CDK17: variants seen among roughly 807,000 people sequenced by gnomAD.
CDK17 encodes cyclin-dependent kinase 17.
A neutral mutation model predicts 77.6 loss-of-function variants in CDK17; 24 were observed. The ratio of observed to expected loss-of-function variants is 0.31; its 90% CI spans 0.22 to 0.44. CDK17 has a LOEUF of 0.44. CDK17 is among the 20% of genes least tolerant of loss of function. The pLI is 1.00. For missense variants in CDK17, 429 were observed against 622.5 expected (o/e 0.69, Z 3.31); for synonymous variants, 203 against 210.4 (o/e 0.96, Z 0.30).
At chr12:96,350,689 C>T (rs906531564) in intron 1 of CDK17, among the ~76,000 whole-genome samples, 1 of 152,016 alleles carries the variant, frequency 6.6e-6, no homozygotes. Context: ...TGAAACTGGA[C>T]CATTACCTTA....
chr12:96,280,920 T>A (rs762430232), intron 15 of CDK17, 35 bp from the exon 16 acceptor site: 2 of 1,544,466 alleles, frequency 1.3e-6, no homozygotes, highest in East Asian at 4.5e-5. Context: ...TAGGTGAAGG[T>A]CTAACATTAA....
chr12:96,340,076 A>G (rs1438884715), intron 1 of CDK17, among the ~76,000 whole-genome samples: 1 of 152,036 alleles, frequency 6.6e-6, no homozygotes, highest in Non-Finnish European at 1.5e-5. Context: ...TGCACATTAC[A>G]TTTCTACTGG....
At chr12:96,387,982 A>G (rs1565847497) in intron 1 of CDK17, among the ~76,000 whole-genome samples, 1 of 151,940 alleles carries the variant, frequency 6.6e-6, no homozygotes, top group Non-Finnish European at 1.5e-5. Context: ...AAAAAGAAAA[A>G]CAATCAGCCA....
At chr12:96,297,863 T>C in intron 7 of CDK17, 142 bp from the exon 8 acceptor site, 1 of 485,674 alleles carries the variant, frequency 2.1e-6, no homozygotes, top group Non-Finnish European at 3.7e-6. Context: ...CCAGCACTTT[T>C]GAGAGACCGA....
At chr12:96,352,567 G>A (rs753861440) in intron 1 of CDK17, among the ~76,000 whole-genome samples, 15 of 152,122 alleles carry the variant, frequency 9.9e-5, no homozygotes, top group Admixed American at 3.3e-4. Flanking sequence ...TAAAGGGAGT[G>A]TCCTCATCCT....
At chr12:96,358,025 A>G (rs962071823) in intron 1 of CDK17, among the ~76,000 whole-genome samples, 3 of 152,210 alleles carry the variant, frequency 2.0e-5, no homozygotes, top group Non-Finnish European at 2.9e-5. Context: ...ACATGCAACA[A>G]GGACAAATAT....
At position 96,379,986 on chromosome 12, in the gene CDK17, C is replaced by T. The variant is rs145086405; in HGVS notation, c.-30+20000G>A. Among the ~76,000 whole-genome samples, 1,195 of 151,684 alleles carry T rather than the reference C, an allele frequency of 7.9e-3. 17 individuals are homozygous for T. Among genetic ancestry groups the T allele is most frequent in the African/African-American group, 0.028 (1,148 of 41,404 alleles). ...GAGTTTGAAACCAGCCTGGGCAACACAGTGAGACCCCATCTCTACAAAAAA... is the reference window on the plus strand; with the variant it reads ...GAGTTTGAAACCAGCCTGGGCAACATAGTGAGACCCCATCTCTACAAAAAA... On this transcript the variant is annotated intron_variant, in intron 1 of 16. Coordinates refer to ENST00000261211, the MANE Select transcript of CDK17 (RefSeq NM_002595.5).
At chr12:96,352,414 G>A (rs1431437603) in intron 1 of CDK17, among the ~76,000 whole-genome samples, 2 of 151,980 alleles carry the variant, frequency 1.3e-5, no homozygotes, top group Non-Finnish European at 2.9e-5. Flanking sequence ...ACATGTCCCA[G>A]CTGCTCCAAA....
At chr12:96,358,370 T>TAAAAAAAAAAA (rs35899533) in intron 1 of CDK17, among the ~76,000 whole-genome samples, 1 of 35,182 alleles carries the variant, frequency 2.8e-5, no homozygotes, top group Non-Finnish European at 5.6e-5. Flanking sequence ...TGCAAACTTG[T>TAAAAAAAAAAA]AAAAAAAAAA....
At chr12:96,286,586 AT>A in intron 12 of CDK17, 77 bp downstream of exon 12, 1 of 952,102 alleles carries the variant, frequency 1.1e-6, no homozygotes, top group Non-Finnish European at 1.6e-6. Flanking sequence ...ATTTTAAAAT[AT>A]GTATTTTAGA....
At chr12:96,391,502 G>A (rs1034446155) in intron 1 of CDK17, among the ~76,000 whole-genome samples, 14 of 152,048 alleles carry the variant, frequency 9.2e-5, no homozygotes, top group African/African-American at 3.4e-4. Context: ...TGTTGCCCAG[G>A]CTGGTCTCGA....
At position 96,322,544 on chromosome 12, in the gene CDK17, C is replaced by A. The variant is rs114088927; in HGVS notation, c.283+1404G>T. On this transcript the variant is annotated intron_variant, in intron 3 of 16. Coordinates refer to ENST00000261211, the MANE Select transcript of CDK17 (RefSeq NM_002595.5). ...CTAGACAAACAAGAAAACAATAAGCCAGGGCCTGATCTGTAGTGTTTTCTG... is the reference window on the plus strand; with the variant it reads ...CTAGACAAACAAGAAAACAATAAGCAAGGGCCTGATCTGTAGTGTTTTCTG... 5.5e-3 allele frequency among the ~76,000 whole-genome samples: 825 copies of A among 151,042 alleles called. 9 individuals carry two copies. The highest frequency in any genetic ancestry group is 0.017 in the African/African-American group (707 of 41,160).
chr12:96,338,531 T>C (rs1953078539), intron 1 of CDK17, among the ~76,000 whole-genome samples: 1 of 152,114 alleles, frequency 6.6e-6, no homozygotes, highest in East Asian at 1.9e-4. Context: ...ACTCCAACTT[T>C]TTCAAACACA....
chr12:96,314,156 G>A (rs1405361481), intron 3 of CDK17, among the ~76,000 whole-genome samples: 2 of 152,146 alleles, frequency 1.3e-5, no homozygotes, highest in East Asian at 1.9e-4. Flanking sequence ...ATGGAAGTAG[G>A]GGGAGGAAGA....
intron 3 of CDK17, among the ~76,000 whole-genome samples, chr12:96,316,253 TA>T (rs1315162843): frequency 6.6e-6 from 1 of 151,994 alleles, no homozygotes; most frequent in African/African-American, 2.4e-5. Flanking sequence ...CAGACCGGCT[TA>T]AAAAACGGCG....
intron 1 of CDK17, among the ~76,000 whole-genome samples, chr12:96,385,490 T>G (rs1953957736): frequency 6.6e-6 from 1 of 152,072 alleles, no homozygotes; most frequent in African/African-American, 2.4e-5. Flanking sequence ...AACCTGCACT[T>G]GTATGCCCTG....
At chr12:96,351,711 G>A (rs767265085) in intron 1 of CDK17, among the ~76,000 whole-genome samples, 10 of 152,112 alleles carry the variant, frequency 6.6e-5, no homozygotes, top group Admixed American at 1.3e-4. Context: ...TTTAACTGTC[G>A]TGTTAGCAGG....
intron 1 of CDK17, among the ~76,000 whole-genome samples, chr12:96,375,004 C>T (rs547944406): frequency 1.3e-5 from 2 of 152,324 alleles, no homozygotes; most frequent in Admixed American, 1.3e-4. Flanking sequence ...TGGGCCTCAA[C>T]ACTGGCCAAT....
intron 6 of CDK17, among the ~76,000 whole-genome samples, chr12:96,299,671 G>A (rs1020488836): frequency 2.0e-5 from 3 of 152,186 alleles, no homozygotes; most frequent in Admixed American, 6.5e-5. Flanking sequence ...TTACAGGCGT[G>A]AGCCACCGCG....
Sources: allele counts gnomAD v4.1 joint callset (sites outside exome capture counted in the v4.1 genomes callset), GRCh38; gene constraint gnomAD v4.1.1; transcripts MANE v1.5; gene names NCBI Gene and HGNC (gene_info 2026-07-23, HGNC 2026-07-21).